The following PARM1 variants were observed in gnomAD, a reference collection of about 807,000 sequenced individuals.
PARM1 encodes prostate androgen-regulated mucin-like protein 1.
In PARM1, 14 loss-of-function variants were observed where a neutral mutation model predicts 24.6. That is an observed-to-expected ratio of 0.57 (90% confidence interval 0.38 to 0.89). PARM1 has a LOEUF of 0.89. PARM1 is among the 40% of genes least tolerant of loss of function. The pLI, the probability that PARM1 is intolerant of heterozygous loss-of-function variation, is 0.00. For missense variants in PARM1, 362 were observed against 380.4 expected, an observed-to-expected ratio of 0.95 and a Z score of 0.40; for synonymous variants, 179 against 156.6, an observed-to-expected ratio of 1.14 and a Z score of -1.07.
At chr4:74,954,691 C>G (rs2109986153) in intron 1 of PARM1, among the ~76,000 whole-genome samples, 1 of 152,244 alleles carries the variant, frequency 6.6e-6, no homozygotes. Context: ...GCAATTTCTG[C>G]TGGTTTCAAT....
chr4:75,006,333 C>T (rs2109790156), intron 1 of PARM1, among the ~76,000 whole-genome samples: 1 of 150,190 alleles, frequency 6.7e-6, no homozygotes, highest in Non-Finnish European at 1.5e-5. Context: ...TGATGTTCCC[C>T]ATCCCTTGTC....
intron 1 of PARM1, among the ~76,000 whole-genome samples, chr4:75,001,800 C>CA (rs1410289402): frequency 6.6e-6 from 1 of 152,162 alleles, no homozygotes; most frequent in Non-Finnish European, 1.5e-5. Context: ...TCCTCTCCCC[C>CA]ATCAGAGGAA....
chr4:75,024,581 C>T (rs1560795835), intron 2 of PARM1, among the ~76,000 whole-genome samples: 1 of 152,260 alleles, frequency 6.6e-6, no homozygotes, highest in East Asian at 1.9e-4. Flanking sequence ...GAAGCTCTCA[C>T]TTGCCAAGGT....
chr4:74,975,583 A>C (rs1485306541), intron 1 of PARM1, among the ~76,000 whole-genome samples: 1 of 152,232 alleles, frequency 6.6e-6, no homozygotes, highest in Non-Finnish European at 1.5e-5. Context: ...TCAAAGGTAT[A>C]TTTTATAAAC....
At chr4:74,974,130 G>A (rs982165545) in intron 1 of PARM1, among the ~76,000 whole-genome samples, 2 of 152,164 alleles carry the variant, frequency 1.3e-5, no homozygotes, top group Non-Finnish European at 2.9e-5. Flanking sequence ...AAAAGAAGAG[G>A]CAAATCCCTC....
intron 1 of PARM1, among the ~76,000 whole-genome samples, chr4:74,985,589 A>G (rs983960505): frequency 3.3e-5 from 5 of 152,198 alleles, no homozygotes; most frequent in African/African-American, 1.2e-4. Context: ...GTCAAAAGTA[A>G]CTTGCCCAAT....
intron 2 of PARM1, among the ~76,000 whole-genome samples, chr4:75,030,315 C>T (rs1429575298): frequency 1.3e-5 from 2 of 152,206 alleles, no homozygotes; most frequent in Non-Finnish European, 2.9e-5. Flanking sequence ...TGAGCCTTAA[C>T]TTCCTCATCT....
chr4:75,046,301 A>G lies in PARM1; in HGVS notation c.*54A>G. The G allele has an allele frequency of 8.8e-7, 1 of 1,139,376 alleles. No homozygotes were observed. The highest frequency in any genetic ancestry group is 1.3e-5 in the South Asian group (1 of 78,742). The allele number at this position is 1,139,376 out of a possible 1,614,324, so 70.6% of individuals were successfully genotyped here. A position where few individuals can be genotyped will look rare whatever the true frequency, so the allele number is the denominator to read the frequency against. ...AACTGTTCTTTATTTATAAGTGCTT[A>G]TCCAGTAGAATTAATAAGTACCTGA... On this transcript the variant is annotated 3_prime_UTR_variant, in exon 4 of 4. Transcript: ENST00000307428.
chr4:75,021,962 T>C (rs956653155), intron 2 of PARM1, among the ~76,000 whole-genome samples: 3 of 152,216 alleles, frequency 2.0e-5, no homozygotes, highest in Non-Finnish European at 4.4e-5. Flanking sequence ...TATTTTCCTT[T>C]GGGTATATAC....
chr4:75,027,616 C>A (rs1293229001), intron 2 of PARM1, among the ~76,000 whole-genome samples: 2 of 152,190 alleles, frequency 1.3e-5, no homozygotes, highest in Admixed American at 6.5e-5. Flanking sequence ...GGTTATTTAA[C>A]ACACTGAAAT....
intron 1 of PARM1, among the ~76,000 whole-genome samples, chr4:74,986,697 C>T (rs1273940164): frequency 6.6e-6 from 1 of 152,080 alleles, no homozygotes; most frequent in Non-Finnish European, 1.5e-5. Flanking sequence ...TTTGGGGTTG[C>T]AGGTAACTGA....
At chr4:75,011,119 A>T (rs75925288) in intron 1 of PARM1, among the ~76,000 whole-genome samples, 1,581 of 152,216 alleles carry the variant, frequency 0.01, 33 homozygotes, top group African/African-American at 0.037. Context: ...ACAGCATCAA[A>T]CCATGAGGGA....
chr4:74,937,109 T>C (rs2109978697), intron 1 of PARM1, among the ~76,000 whole-genome samples: 1 of 152,306 alleles, frequency 6.6e-6, no homozygotes, highest in Non-Finnish European at 1.5e-5. Context: ...GTAACTAACA[T>C]CTAAAATGTC....
At chr4:75,023,774 G>A (rs1423550273) in intron 2 of PARM1, among the ~76,000 whole-genome samples, 3 of 152,192 alleles carry the variant, frequency 2.0e-5, no homozygotes, top group Non-Finnish European at 4.4e-5. Flanking sequence ...CAATCTTGGG[G>A]CGTTGGGGGA....
At chr4:74,940,205 A>G (rs1185824109) in intron 1 of PARM1, among the ~76,000 whole-genome samples, 6 of 152,212 alleles carry the variant, frequency 3.9e-5, no homozygotes, top group Admixed American at 3.3e-4. Context: ...ACACAAGCGT[A>G]ACTTCATTAC....
rs904327137 is a variant in PARM1, at chr4:75,046,339, G to A, written c.*92G>A. The A allele has an allele frequency of 1.6e-5, 13 of 813,822 alleles. No individual in the cohort carries two copies. The highest frequency in any genetic ancestry group is 3.2e-5 in the South Asian group (2 of 63,188). 50.4% of individuals were successfully genotyped at this position (813,822 alleles called of 1,614,324 possible). A position where few individuals can be genotyped will look rare whatever the true frequency, so the allele number is the denominator to read the frequency against. On this transcript the variant is annotated 3_prime_UTR_variant, in exon 4 of 4. Coordinates refer to ENST00000307428, the MANE Select transcript of PARM1 (RefSeq NM_015393.4). ...AATAAGTACCTGATGCGCATTGAAC[G>A]ACAATCTTAAGCCCTGTTTTGTTGG...
chr4:74,963,062 T>C lies in PARM1; in HGVS notation c.43+29692T>C, dbSNP rs537701074. On this transcript the variant is annotated intron_variant, in intron 1 of 3. Transcript: ENST00000307428. ...TGGCATTTTCTCTGCTAGCACTCAC[T>C]CCATCCTGTCACGCTGTGAAGAAGG... is the stretch of plus-strand genomic sequence containing the variant. Among the ~76,000 whole-genome samples the C allele has an allele frequency of 5.9e-5, 9 of 152,316 alleles. No individual in the cohort carries two copies. The East Asian group carries it at 1.7e-3, about 29-fold the overall frequency.
chr4:75,020,235 A>G (rs1372989436), intron 2 of PARM1, among the ~76,000 whole-genome samples: 1 of 152,172 alleles, frequency 6.6e-6, no homozygotes, highest in African/African-American at 2.4e-5. Context: ...ATCAGAAAGC[A>G]ATAATCCTAA....
intron 3 of PARM1, among the ~76,000 whole-genome samples, chr4:75,034,266 C>T (rs1364744548): frequency 2.6e-5 from 4 of 152,090 alleles, no homozygotes. Flanking sequence ...ACCTCATTAC[C>T]CTGGGAAAGC....
Sources: gnomAD v4.1 joint callset for allele counts (sites outside exome capture counted in the v4.1 genomes callset) on GRCh38, gnomAD v4.1.1 for gene constraint, MANE v1.5 for transcripts, NCBI Gene and HGNC (gene_info 2026-07-23, HGNC 2026-07-21) for gene names.